Variants in APBB2 observed in about 807,000 individuals in gnomAD.
APBB2 encodes amyloid beta precursor protein binding family B member 2.
APBB2 carries 38 observed loss-of-function variants against 82.5 expected under a neutral mutation model. The observed-to-expected ratio is 0.46, with a 90% CI of 0.36 to 0.60. APBB2 has a LOEUF of 0.60. Ranked by LOEUF, APBB2 falls within the 20% of genes least tolerant of loss-of-function variation. The pLI, the probability that APBB2 is intolerant of heterozygous loss-of-function variation, is 0.00. For missense variants in APBB2, 772 were observed against 972.3 expected, an observed-to-expected ratio of 0.79 and a Z score of 2.74; for synonymous variants, 341 against 368.2, an observed-to-expected ratio of 0.93 and a Z score of 0.85.
intron 3 of APBB2, among the ~76,000 whole-genome samples, chr4:41,090,805 G>A (rs745702677): frequency 6.6e-6 from 1 of 152,128 alleles, no homozygotes; most frequent in Non-Finnish European, 1.5e-5. Context: ...GCATATAACA[G>A]CTGAAAGTCT....
intron 12 of APBB2, among the ~76,000 whole-genome samples, chr4:40,854,963 A>G (rs1365913777): frequency 6.6e-6 from 1 of 152,212 alleles, no homozygotes; most frequent in Non-Finnish European, 1.5e-5. Flanking sequence ...TTTAGAACTC[A>G]GCTCTGCCCC....
chr4:40,895,785 C>T (rs779760482), intron 10 of APBB2, among the ~76,000 whole-genome samples: 3 of 152,210 alleles, frequency 2.0e-5, no homozygotes, highest in East Asian at 1.9e-4. Context: ...TTGTCTCCTA[C>T]CACCTCTATT....
At chr4:40,892,037 G>A (rs772406569) in intron 11 of APBB2, among the ~76,000 whole-genome samples, 6 of 148,042 alleles carry the variant, frequency 4.1e-5, no homozygotes, top group East Asian at 2.0e-4. Flanking sequence ...CAACCTCTCC[G>A]CCTCCCAGGT....
chr4:40,995,323 C>T (rs1236690265), intron 6 of APBB2, among the ~76,000 whole-genome samples: 1 of 152,094 alleles, frequency 6.6e-6, no homozygotes. Context: ...TCCAGTGTTT[C>T]TTATTTTGGC....
chr4:40,880,510 T>C, intron 12 of APBB2: 1 of 985,484 alleles, frequency 1.0e-6, no homozygotes, highest in South Asian at 4.7e-5. Context: ...TTCTGGGTTA[T>C]CATGGTTATG....
At chr4:40,910,140 G>A (rs1056434712) in intron 10 of APBB2, among the ~76,000 whole-genome samples, 2 of 91,122 alleles carry the variant, frequency 2.2e-5, no homozygotes, top group Admixed American at 2.4e-4. Flanking sequence ...TTTTTTTTTT[G>A]TAATTTTAGT....
chr4:40,947,602 T>C (rs1484778267), intron 6 of APBB2, among the ~76,000 whole-genome samples: 1 of 152,234 alleles, frequency 6.6e-6, no homozygotes, highest in East Asian at 1.9e-4. Flanking sequence ...CGCTGAGATT[T>C]TGTTGAAATA....
At chr4:41,058,780 T>A (rs1728709419) in intron 4 of APBB2, among the ~76,000 whole-genome samples, 1 of 151,950 alleles carries the variant, frequency 6.6e-6, no homozygotes, top group South Asian at 2.1e-4. Context: ...AATAGGATGG[T>A]GGTAATAAAG....
At chr4:40,929,513 A>G (rs1413483472) in intron 10 of APBB2, among the ~76,000 whole-genome samples, 4 of 152,096 alleles carry the variant, frequency 2.6e-5, no homozygotes, top group Non-Finnish European at 5.9e-5. Flanking sequence ...GTTAGCCAGG[A>G]TGGTCTCGAT....
At chr4:41,168,525 G>A (rs1226480580) in intron 1 of APBB2, among the ~76,000 whole-genome samples, 1 of 151,924 alleles carries the variant, frequency 6.6e-6, no homozygotes, top group Non-Finnish European at 1.5e-5. Context: ...TTTAAATAAT[G>A]GGCTTATATT....
At chr4:40,887,656 C>G (rs769358211) in intron 12 of APBB2, among the ~76,000 whole-genome samples, 3 of 152,182 alleles carry the variant, frequency 2.0e-5, no homozygotes, top group Non-Finnish European at 4.4e-5. Flanking sequence ...CAGAACCTTT[C>G]ACTGGCAAAC....
intron 1 of APBB2, among the ~76,000 whole-genome samples, chr4:41,143,825 A>G (rs1759917452): frequency 6.6e-6 from 1 of 152,268 alleles, no homozygotes; most frequent in Non-Finnish European, 1.5e-5. Flanking sequence ...AACATTCAAC[A>G]AGTAAATCAT....
intron 11 of APBB2, among the ~76,000 whole-genome samples, chr4:40,891,251 T>G (rs1347857222): frequency 6.6e-6 from 1 of 152,132 alleles, no homozygotes; most frequent in Non-Finnish European, 1.5e-5. Context: ...TCTTTCAGAG[T>G]CTTACACTCT....
chr4:40,983,175 G>C (rs1799565726), intron 6 of APBB2, among the ~76,000 whole-genome samples: 1 of 152,186 alleles, frequency 6.6e-6, no homozygotes, highest in African/African-American at 2.4e-5. Context: ...GAGGAACAGG[G>C]AGGCAAAGTG....
At chr4:40,960,854 G>A (rs1158696668) in intron 6 of APBB2, among the ~76,000 whole-genome samples, 2 of 151,904 alleles carry the variant, frequency 1.3e-5, no homozygotes, top group Middle Eastern at 3.4e-3. Context: ...CGATATAAAC[G>A]CTACATTTCC....
rs1578219854 is a variant in APBB2 at position 40,890,198 on chromosome 4, G to A, written c.1529+166C>T. 40 of 875,322 alleles carry A rather than the reference G, an allele frequency of 4.6e-5. No homozygotes were observed. In the East Asian group the frequency reaches 1.2e-3, roughly 25 times the overall value. The allele number at this position is 875,322 out of a possible 1,614,324, so 54.2% of individuals were successfully genotyped here. ...AAACCAGGAAGGGAAGCAGTTTGAA[G>A]TCTTTAAGAGGCAGGGAACTAGAGA... On this transcript the variant is annotated intron_variant, in intron 12 of 17. Coordinates refer to ENST00000508593, the MANE Select transcript of APBB2 (RefSeq NM_004307.2).
intron 2 of APBB2, among the ~76,000 whole-genome samples, chr4:41,107,246 G>A (rs148680318): frequency 1.8e-3 from 276 of 152,240 alleles, no homozygotes; most frequent in African/African-American, 6.2e-3. Flanking sequence ...GGGAGACGGA[G>A]GTTACAGTGA....
chr4:40,980,101 C>A (rs1043362370), intron 6 of APBB2, among the ~76,000 whole-genome samples: 1 of 152,214 alleles, frequency 6.6e-6, no homozygotes, highest in Non-Finnish European at 1.5e-5. Context: ...CGGCTCACTG[C>A]AACCTCCGCC....
chr4:41,116,764 G>T (rs967596963), intron 2 of APBB2, among the ~76,000 whole-genome samples: 1 of 152,152 alleles, frequency 6.6e-6, no homozygotes, highest in African/African-American at 2.4e-5. Context: ...GGTGTTCATT[G>T]TACTGTTCTT....
Sources: allele counts gnomAD v4.1 joint callset (sites outside exome capture counted in the v4.1 genomes callset), GRCh38; gene constraint gnomAD v4.1.1; transcripts MANE v1.5; gene names NCBI Gene and HGNC (gene_info 2026-07-23, HGNC 2026-07-21).